The following OPN5 variants were observed in gnomAD, a reference collection of about 807,000 sequenced individuals.
OPN5 encodes opsin 5.
In OPN5, 18 loss-of-function variants were observed where a neutral mutation model predicts 41.7. That is an observed-to-expected ratio of 0.43 (90% confidence interval 0.30 to 0.64). The LOEUF (loss-of-function observed/expected upper bound fraction) is 0.64, where lower values mean the gene tolerates loss of function less well. Among genes scored for constraint, OPN5 ranks in the 30% least tolerant of loss-of-function variants. The probability of loss-of-function intolerance (pLI) is 0.13; values close to 1 mark genes in which losing one functional copy is unlikely to be tolerated. For missense variants in OPN5, 318 were observed against 434.5 expected, an observed-to-expected ratio of 0.73 and a Z score of 2.38; for synonymous variants, 178 against 164.3, an observed-to-expected ratio of 1.08 and a Z score of -0.64.
At chr6:47,802,644 G>A (rs1773819141) in intron 4 of OPN5, among the ~76,000 whole-genome samples, 1 of 152,138 alleles carries the variant, frequency 6.6e-6, no homozygotes, top group Admixed American at 6.5e-5. Flanking sequence ...CTGAGTATTT[G>A]TTCCTCTCCA....
intron 4 of OPN5, among the ~76,000 whole-genome samples, chr6:47,807,859 G>A (rs1005788845): frequency 6.6e-6 from 1 of 151,150 alleles, no homozygotes; most frequent in African/African-American, 2.4e-5. Flanking sequence ...CTGCTCCATG[G>A]AGTCATAATC....
rs751385140 is a variant in OPN5 at position 47,782,169 on chromosome 6, G to A, written c.103G>A (p.Val35Met). The A allele has an allele frequency of 6.2e-6, 10 of 1,613,646 alleles. No individual in the cohort carries two copies. The East Asian group carries it at 1.3e-4, about 22-fold the overall frequency. Reference sequence around the variant, plus strand: ...CAAACTTTCTTGGGAAGCGGATTTAGTGGCTGGCTTTTACCTAACAATAAT... The same window carrying A: ...CAAACTTTCTTGGGAAGCGGATTTAATGGCTGGCTTTTACCTAACAATAAT... The change falls in exon 1 of 7, where the codon GTG becomes ATG. Residue 35 changes from valine to methionine, a missense_variant. Physicochemically the swap from Val to Met is conservative, Grantham distance 21. This residue lies in a region of OPN5 where 46 missense variants were observed against 44.0 expected (regional missense o/e 1.05). Coordinates refer to ENST00000371211, the Ensembl canonical transcript of OPN5.
At chr6:47,783,239 A>G (rs2113944486) in intron 1 of OPN5, among the ~76,000 whole-genome samples, 1 of 152,254 alleles carries the variant, frequency 6.6e-6, no homozygotes, top group East Asian at 1.9e-4. Flanking sequence ...CTTTTCTTAA[A>G]TTTAAAATTG....
chr6:47,817,529 T>G (rs1302859427), intron 6 of OPN5, among the ~76,000 whole-genome samples: 1 of 152,118 alleles, frequency 6.6e-6, no homozygotes, highest in Admixed American at 6.6e-5. Context: ...TTACCCAAAA[T>G]GTAGTCTGCA....
intron 1 of OPN5, among the ~76,000 whole-genome samples, chr6:47,785,724 C>T (rs1329544): frequency 0.82 from 124,594 of 152,190 alleles, 51,160 homozygotes; most frequent in East Asian, 0.93. Flanking sequence ...TAAGAACTTT[C>T]GAACAGTTTC....
intron 2 of OPN5, among the ~76,000 whole-genome samples, chr6:47,788,219 G>T (rs1471685942): frequency 2.0e-5 from 3 of 152,234 alleles, no homozygotes; most frequent in African/African-American, 7.2e-5. Context: ...TTTACCTGTT[G>T]CCACGCGATG....
intron 4 of OPN5, among the ~76,000 whole-genome samples, chr6:47,799,264 CAT>C: frequency 6.6e-6 from 1 of 151,060 alleles, no homozygotes; most frequent in East Asian, 1.9e-4. Context: ...TATACATATA[CAT>C]ATGATTATAT....
intron 6 of OPN5, among the ~76,000 whole-genome samples, chr6:47,813,252 G>A (rs984570242): frequency 3.9e-5 from 6 of 152,168 alleles, no homozygotes; most frequent in Non-Finnish European, 8.8e-5. Context: ...CACGTGGCAC[G>A]TCAGATAGAG....
chr6:47,789,915 T>TGG, intron 2 of OPN5, among the ~76,000 whole-genome samples: 1 of 137,556 alleles, frequency 7.3e-6, no homozygotes, highest in South Asian at 2.3e-4. Context: ...TTTTTTTTTG[T>TGG]GGGGGGTGTG....
At chr6:47,790,507 C>T (rs1258335452) in intron 2 of OPN5, among the ~76,000 whole-genome samples, 3 of 152,182 alleles carry the variant, frequency 2.0e-5, no homozygotes. Context: ...TATCCTCCCT[C>T]CTTCACCTCC....
chr6:47,812,345 T>C (rs9381618), intron 6 of OPN5, among the ~76,000 whole-genome samples: 40,901 of 152,098 alleles, frequency 0.27, 5,571 homozygotes, highest in South Asian at 0.29. Context: ...TAATTTTACC[T>C]GCGTGGATTT....
At chr6:47,823,693 G>A in intron 6 of OPN5, 1 of 520,120 alleles carries the variant, frequency 1.9e-6, no homozygotes, top group Non-Finnish European at 3.4e-6. Context: ...ATGCTTAGGA[G>A]TAGAAGACCA....
intron 4 of OPN5, among the ~76,000 whole-genome samples, chr6:47,800,330 G>A (rs554364326): frequency 1.3e-5 from 2 of 152,270 alleles, no homozygotes; most frequent in South Asian, 2.1e-4. Flanking sequence ...TATGCAATGG[G>A]TGCTTGCTAC....
intron 6 of OPN5, among the ~76,000 whole-genome samples, chr6:47,819,353 A>ATATATATATATATATATATATATATATAT (rs1491208722): frequency 7.1e-5 from 6 of 84,870 alleles, no homozygotes; most frequent in Non-Finnish European, 9.8e-5. Context: ...ATATATATAT[A>ATATATATATATATATATATATATATATAT]AAAAATATAT....
rs748385669 is a variant in OPN5 at position 47,795,776 on chromosome 6, TCTCACA to T, written c.756+215_756+220del. Among the ~76,000 whole-genome samples, 426 of 104,124 alleles carry T rather than the reference TCTCACA, an allele frequency of 4.1e-3. 3 individuals carry two copies. The East Asian group carries it at 0.042, about 10-fold the overall frequency. 68.3% of individuals were successfully genotyped at this position (104,124 alleles called of 152,430 possible). A position where few individuals can be genotyped will look rare whatever the true frequency, so the allele number is the denominator to read the frequency against. On this transcript the variant is annotated intron_variant, in intron 4 of 6. Transcript: ENST00000371211. ...CACTTCTCTCTTCTCTCTCTCTCTC[TCTCACA>T]CACACACACACACACACACACACAC...
intron 4 of OPN5, among the ~76,000 whole-genome samples, chr6:47,806,923 C>T (rs1161808097): frequency 4.6e-5 from 7 of 152,106 alleles, no homozygotes; most frequent in Non-Finnish European, 5.9e-5. Context: ...TTTGGGAAGC[C>T]GAGGTGGGTG....
intron 5 of OPN5, among the ~76,000 whole-genome samples, chr6:47,810,947 T>A (rs538617858): frequency 6.6e-6 from 1 of 152,284 alleles, no homozygotes; most frequent in South Asian, 2.1e-4. Flanking sequence ...TCTGGATTGG[T>A]CTTGAGCTTC....
exon 2 of OPN5, chr6:47,786,523 T>A (rs1773196211): frequency 6.2e-7 from 1 of 1,610,598 alleles, no homozygotes; most frequent in African/African-American, 1.3e-5. Flanking sequence ...AGGGATTCTG[T>A]CCACATTTGG....
intron 6 of OPN5, chr6:47,823,414 A>G (rs1205334899): frequency 6.5e-6 from 1 of 152,874 alleles, no homozygotes; most frequent in African/African-American, 2.4e-5. Flanking sequence ...GGGAGACGCC[A>G]CAAATCCTAA....
Sources: allele counts gnomAD v4.1 joint callset (sites outside exome capture counted in the v4.1 genomes callset), GRCh38; gene constraint gnomAD v4.1.1; regional missense constraint gnomAD v4.1.1; transcripts MANE v1.5; gene names NCBI Gene and HGNC (gene_info 2026-07-23, HGNC 2026-07-21).